The following CHD9 variants were observed in gnomAD, a reference collection of about 807,000 sequenced individuals.
The protein encoded by CHD9 is chromodomain helicase DNA binding protein 9.
In CHD9, 77 loss-of-function variants were observed where a neutral mutation model predicts 316.1. The ratio of observed to expected loss-of-function variants is 0.24; its 90% CI spans 0.20 to 0.29. The LOEUF (loss-of-function observed/expected upper bound fraction) is 0.29, where lower values mean the gene tolerates loss of function less well. Among genes scored for constraint, CHD9 ranks in the 10% least tolerant of loss-of-function variants. CHD9 has a pLI of 1.00. For synonymous variants in CHD9, 1,129 were observed against 1,158.3 expected (o/e 0.97, Z 0.51); for missense variants, 2,763 against 3,438.1 (o/e 0.80, Z 4.91).
chr16:53,096,161 G>A (rs1031617442), intron 1 of CHD9, among the ~76,000 whole-genome samples: 3 of 151,170 alleles, frequency 2.0e-5, no homozygotes, highest in Non-Finnish European at 2.9e-5. Context: ...GGGCTCAAGC[G>A]ATCCTCCCAC....
intron 2 of CHD9, among the ~76,000 whole-genome samples, chr16:53,165,644 T>G (rs1019737651): frequency 2.0e-5 from 3 of 152,136 alleles, no homozygotes; most frequent in Non-Finnish European, 4.4e-5. Flanking sequence ...AAAATCATCT[T>G]AAGCAGAAAG....
intron 1 of CHD9, among the ~76,000 whole-genome samples, chr16:53,140,416 C>CAAAAAAAAAAA (rs544725340): frequency 1.0e-5 from 1 of 99,344 alleles, no homozygotes. Flanking sequence ...AACTCTGTCT[C>CAAAAAAAAAAA]AAAAAAAAAA....
chr16:53,109,274 G>A (rs1331779088), intron 1 of CHD9, among the ~76,000 whole-genome samples: 2 of 152,192 alleles, frequency 1.3e-5, no homozygotes, highest in Non-Finnish European at 2.9e-5. Context: ...GGTGTTTGGA[G>A]TTGTGCTACA....
rs1170234639 is a variant in CHD9, at chr16:53,240,031, G to A, written c.2877+1445G>A. 4.6e-5 allele frequency among the ~76,000 whole-genome samples: 7 copies of A among 152,188 alleles called. No individual in the cohort carries two copies. In the East Asian group the frequency reaches 1.4e-3, roughly 29 times the overall value. On this transcript the variant is annotated intron_variant, in intron 12 of 38. Transcript: ENST00000447540. ...CATTTTCAAACTCTTGGGCTTAAGT[G>A]ATCCTCCCAAGTAGCTGAGATTGCA...
intron 1 of CHD9, among the ~76,000 whole-genome samples, chr16:53,125,458 A>T (rs1183625789): frequency 6.6e-6 from 1 of 151,688 alleles, no homozygotes; most frequent in Non-Finnish European, 1.5e-5. Context: ...CTGGTCTCGA[A>T]CTCCTGATCT....
chr16:53,221,664 A>T (rs1179479450), intron 3 of CHD9, among the ~76,000 whole-genome samples: 2 of 152,176 alleles, frequency 1.3e-5, no homozygotes, highest in African/African-American at 4.8e-5. Flanking sequence ...TATATATATA[A>T]ACATACATAT....
intron 3 of CHD9, among the ~76,000 whole-genome samples, chr16:53,218,873 G>C (rs1894568787): frequency 6.6e-6 from 1 of 152,196 alleles, no homozygotes; most frequent in South Asian, 2.1e-4. Flanking sequence ...GTTGGAGATT[G>C]ATAGCAAGTA....
At position 53,226,901 on chromosome 16, in the gene CHD9, G is replaced by A. The variant is rs145809631; in HGVS notation, c.2043+389G>A. ...TAAACCCCTTTGTCTGGATTTTCTG[G>A]CGTCATCTTCTGCTACTTCTCCATA... On this transcript the variant is annotated intron_variant, in intron 5 of 38. Transcript: ENST00000447540. Among the ~76,000 whole-genome samples, 137 of 152,102 alleles carry A rather than the reference G, an allele frequency of 9.0e-4. 1 individual carries two copies. The highest frequency in any genetic ancestry group is 3.0e-3 in the African/African-American group (125 of 41,508).
chr16:53,210,628 T>C (rs1458589089), intron 3 of CHD9, among the ~76,000 whole-genome samples: 1 of 152,220 alleles, frequency 6.6e-6, no homozygotes, highest in East Asian at 1.9e-4. Context: ...GAGGACTTCA[T>C]GTGGAAATTT....
chr16:53,154,943 A>C (rs533761877), intron 1 of CHD9, among the ~76,000 whole-genome samples: 5 of 151,914 alleles, frequency 3.3e-5, no homozygotes, highest in Admixed American at 2.6e-4. Flanking sequence ...TCTCAAAAAA[A>C]TTTTTTTTCC....
intron 2 of CHD9, among the ~76,000 whole-genome samples, chr16:53,174,985 A>T (rs986839427): frequency 6.6e-6 from 1 of 152,144 alleles, no homozygotes. Context: ...TTTGAAATAC[A>T]CTTTTAAGCT....
At chr16:53,077,732 C>CT (rs931248849) in intron 1 of CHD9, among the ~76,000 whole-genome samples, 2 of 152,122 alleles carry the variant, frequency 1.3e-5, no homozygotes, top group African/African-American at 4.8e-5. Context: ...ACACACTTAT[C>CT]TTTTTTTGAG....
chr16:53,180,638 G>C (rs2043427114), intron 2 of CHD9, among the ~76,000 whole-genome samples: 1 of 151,980 alleles, frequency 6.6e-6, no homozygotes, highest in Non-Finnish European at 1.5e-5. Flanking sequence ...TTAGTGGTAT[G>C]GTTATTGAAA....
intron 1 of CHD9, among the ~76,000 whole-genome samples, chr16:53,064,997 A>G (rs769360316): frequency 2.6e-5 from 4 of 151,478 alleles, no homozygotes; most frequent in Non-Finnish European, 4.4e-5. Flanking sequence ...GAGAGAGAGA[A>G]AGAAAAAGAG....
At position 53,301,273 on chromosome 16, in the gene CHD9, T is replaced by C. The variant is rs2055387688; in HGVS notation, c.5714-2447T>C. On this transcript the variant is annotated intron_variant, in intron 30 of 38. Coordinates refer to ENST00000447540, the MANE Select transcript of CHD9 (RefSeq NM_001308319.2). Reference sequence around the variant, plus strand: ...AAATGTAAAGTAGATTTCATATTAATGCTTTGTTAAAAAAAAATGTGAGTG... The same window carrying C: ...AAATGTAAAGTAGATTTCATATTAACGCTTTGTTAAAAAAAAATGTGAGTG... Among the ~76,000 whole-genome samples, 7 of 152,194 alleles carry C rather than the reference T, an allele frequency of 4.6e-5. No individual in the cohort carries two copies. The South Asian group carries it at 1.4e-3, about 31-fold the overall frequency.
intron 30 of CHD9, among the ~76,000 whole-genome samples, chr16:53,300,846 CT>C (rs749588622): frequency 3.3e-5 from 5 of 152,220 alleles, no homozygotes; most frequent in African/African-American, 7.2e-5. Context: ...TGGCTCACGC[CT>C]GTAATCCCCA....
chr16:53,067,211 G>A (rs187554189), intron 1 of CHD9, among the ~76,000 whole-genome samples: 28 of 152,230 alleles, frequency 1.8e-4, no homozygotes, highest in Admixed American at 1.8e-3. Context: ...CCAAAGTGTT[G>A]GGATTACAGA....
chr16:53,148,904 A>G (rs370900507), intron 1 of CHD9, among the ~76,000 whole-genome samples: 19 of 152,248 alleles, frequency 1.2e-4, no homozygotes, highest in Admixed American at 1.0e-3. Flanking sequence ...GTTCACAGGT[A>G]TAACTTGCCC....
At position 53,141,759 on chromosome 16, in the gene CHD9, CA is replaced by C. The variant is rs760228356; in HGVS notation, c.-164-14157del. 6.4e-3 allele frequency among the ~76,000 whole-genome samples: 939 copies of C among 146,810 alleles called. 11 individuals are homozygous for C. Among genetic ancestry groups the C allele is most frequent in the African/African-American group, 0.012 (475 of 40,148 alleles). On this transcript the variant is annotated intron_variant, in intron 1 of 38. Coordinates refer to ENST00000447540, the MANE Select transcript of CHD9 (RefSeq NM_001308319.2). ...AAAGTAGTGTGTAAAATATGGAATA[CA>C]AAAAAAAAATGAGTGTATAATAACT... is the stretch of plus-strand genomic sequence containing the variant.
Sources: gnomAD v4.1 joint callset for allele counts (sites outside exome capture counted in the v4.1 genomes callset) on GRCh38, gnomAD v4.1.1 for gene constraint, MANE v1.5 for transcripts, NCBI Gene and HGNC (gene_info 2026-07-23, HGNC 2026-07-21) for gene names.